The following MARCO variants were observed in gnomAD, a reference collection of about 807,000 sequenced individuals.
MARCO encodes macrophage receptor MARCO.
Under a neutral mutation model 70.0 loss-of-function variants are expected in MARCO, and 72 were observed. The observed-to-expected ratio is 1.03, with a 90% CI of 0.85 to 1.25. The LOEUF (loss-of-function observed/expected upper bound fraction) is 1.25. Among genes scored for constraint, MARCO ranks in the 50% most tolerant of loss-of-function variants. The probability of loss-of-function intolerance (pLI) is 0.00; values close to 1 mark genes in which losing one functional copy is unlikely to be tolerated. For missense variants in MARCO, 696 were observed against 659.3 expected, an observed-to-expected ratio of 1.06 and a Z score of -0.61; for synonymous variants, 273 against 243.1, an observed-to-expected ratio of 1.12 and a Z score of -1.14.
At position 118,974,563 on chromosome 2, in the gene MARCO, C is replaced by T. The variant is rs139091970; in HGVS notation, c.611C>T (p.Ala204Val). Residue 204 changes from alanine (A) to valine (V), a missense_variant and splice_region_variant, in exon 6 of 17, where the codon GCG becomes GTG. Physicochemically the swap from Ala to Val is moderately conservative, Grantham distance 64. This residue lies in a region of MARCO where 605 missense variants were observed against 537.6 expected (regional missense o/e 1.13). Transcript: ENST00000327097. ...GGCCCACCGGGAGTCAAGGGAGAGG[C>T]GGGTGAGTAGGTGCTGGGTATGTAC... ...PQGPPGVKGEAGLQGPQGAPG... is the reference protein window; with the variant it reads ...PQGPPGVKGEVGLQGPQGAPG... 1.4e-4 allele frequency: 223 copies of T among 1,612,896 alleles called. No homozygotes were observed. The highest frequency in any genetic ancestry group is 1.0e-4 in the Non-Finnish European group (122 of 1,179,640).
At chr2:118,955,094 A>T (rs944488420) in intron 1 of MARCO, among the ~76,000 whole-genome samples, 4 of 152,134 alleles carry the variant, frequency 2.6e-5, no homozygotes. Context: ...GATCCAAGCC[A>T]AGAAGAAATC....
intron 1 of MARCO, among the ~76,000 whole-genome samples, chr2:118,942,666 A>G (rs540069181): frequency 6.6e-6 from 1 of 152,290 alleles, no homozygotes; most frequent in South Asian, 2.1e-4. Context: ...AAAAATGCCA[A>G]TGCTTATTAA....
chr2:118,974,357 TG>T lies in MARCO; in HGVS notation c.488del (p.Gly163AlafsTer101). 6.2e-7 allele frequency: 1 copy of T among 1,605,058 alleles called. No individual in the cohort carries two copies. Among genetic ancestry groups the T allele is most frequent in the African/African-American group, 1.3e-5 (1 of 74,952 alleles). On this transcript the variant is annotated frameshift_variant, in exon 5 of 17. Transcript: ENST00000327097. LOFTEE classifies it high-confidence loss of function. ...APGLQGHKGAMGMPGAPGPPG... is the reference protein window; with the variant it reads ...APGLQGHKGAXGMPGAPGPPG... Reference sequence around the variant, plus strand: ...GGTCTTCAAGGTCACAAGGGGGCCATGGGCATGCCTGGTGCCCCTGGCCCGC... The same window carrying T: ...GGTCTTCAAGGTCACAAGGGGGCCATGGCATGCCTGGTGCCCCTGGCCCGC...
At chr2:118,980,620 G>A (rs1680371258) in intron 8 of MARCO, among the ~76,000 whole-genome samples, 2 of 152,186 alleles carry the variant, frequency 1.3e-5, no homozygotes. Context: ...ATGTTGTGTT[G>A]AGGTGAGATA....
At position 118,994,560 on chromosome 2, in the gene MARCO, C is replaced by T. The variant is rs758860331; in HGVS notation, c.*40C>T. On this transcript the variant is annotated 3_prime_UTR_variant, in exon 17 of 17. Coordinates refer to ENST00000327097, the MANE Select transcript of MARCO (RefSeq NM_006770.4). The stretch of plus-strand genomic sequence containing the variant: ...CACTTCTCTGCTCCCGAGGTGTCCT[C>T]GGGCTCATATGTGGGAAGGCAGAGG... 4.5e-5 allele frequency: 69 copies of T among 1,530,056 alleles called. No homozygotes were observed. Among genetic ancestry groups the T allele is most frequent in the Non-Finnish European group, 3.7e-5 (42 of 1,141,004 alleles). 94.8% of individuals were successfully genotyped at this position (1,530,056 alleles called of 1,614,324 possible).
chr2:118,970,103 G>T lies in MARCO; in HGVS notation c.200-11G>T. On this transcript the variant is annotated splice_polypyrimidine_tract_variant and intron_variant, in intron 2 of 16. Coordinates refer to ENST00000327097, the MANE Select transcript of MARCO (RefSeq NM_006770.4). ...TCAGTCCCTAAAAGAATGCTGTGGG[G>T]TGGGGCCCAGTTCTGAATCTGCAGG... 1 of 1,611,248 alleles carries T rather than the reference G, an allele frequency of 6.2e-7. No homozygotes were observed. Among genetic ancestry groups the T allele is most frequent in the East Asian group, 2.2e-5 (1 of 44,850 alleles).
intron 1 of MARCO, 123 bp from the exon 2 acceptor site, chr2:118,969,037 G>T (rs925957649): frequency 1.4e-5 from 10 of 700,760 alleles, no homozygotes; most frequent in Non-Finnish European, 2.3e-5. Context: ...TGAGCTTTTG[G>T]TGTCTTTCCC....
At chr2:118,985,299 A>C (rs987760401) in intron 12 of MARCO, among the ~76,000 whole-genome samples, 1 of 151,980 alleles carries the variant, frequency 6.6e-6, no homozygotes, top group African/African-American at 2.4e-5. Flanking sequence ...GGTTACCTTC[A>C]CCCTGTCCCC....
At chr2:118,967,198 AGG>A (rs755836760) in intron 1 of MARCO, among the ~76,000 whole-genome samples, 16 of 152,222 alleles carry the variant, frequency 1.1e-4, no homozygotes, top group Non-Finnish European at 2.2e-4. Flanking sequence ...CCCAGCCCAG[AGG>A]AACCAGAGAA....
chr2:118,967,561 C>T (rs562975765), intron 1 of MARCO, among the ~76,000 whole-genome samples: 3 of 152,146 alleles, frequency 2.0e-5, no homozygotes, highest in Non-Finnish European at 4.4e-5. Flanking sequence ...GCAGAGGAGA[C>T]GGGGCACTCC....
intron 12 of MARCO, among the ~76,000 whole-genome samples, chr2:118,985,518 C>T (rs1193554412): frequency 6.6e-6 from 1 of 152,150 alleles, no homozygotes; most frequent in Non-Finnish European, 1.5e-5. Flanking sequence ...ATAACCTCCA[C>T]AGTTTATTAA....
chr2:118,985,575 T>C (rs1289966808), intron 12 of MARCO, among the ~76,000 whole-genome samples: 1 of 152,186 alleles, frequency 6.6e-6, no homozygotes, highest in Non-Finnish European at 1.5e-5. Flanking sequence ...TCACTTTTTT[T>C]ACCTACTAGA....
chr2:118,956,696 A>G (rs1208691116), intron 1 of MARCO, among the ~76,000 whole-genome samples: 1 of 152,180 alleles, frequency 6.6e-6, no homozygotes, highest in Admixed American at 6.5e-5. Flanking sequence ...TACACATTCT[A>G]TTCAACAGTG....
intron 1 of MARCO, among the ~76,000 whole-genome samples, chr2:118,953,587 C>T (rs1404147760): frequency 6.6e-6 from 1 of 152,144 alleles, no homozygotes. Context: ...TAGATTTCTG[C>T]TCCAGACAGA....
At chr2:118,960,093 C>T (rs1369945693) in intron 1 of MARCO, among the ~76,000 whole-genome samples, 2 of 150,492 alleles carry the variant, frequency 1.3e-5, no homozygotes, top group Non-Finnish European at 3.0e-5. Context: ...ACCTATACCC[C>T]AATAACTTAT....
At chr2:118,994,307 T>A in intron 16 of MARCO, 80 bp from the exon 17 acceptor site, 1 of 1,529,154 alleles carries the variant, frequency 6.5e-7, no homozygotes, top group Non-Finnish European at 9.0e-7. Context: ...AGATGGAAGC[T>A]CCCAGGCGCA....
intron 1 of MARCO, among the ~76,000 whole-genome samples, chr2:118,945,695 G>T (rs562348927): frequency 5.3e-5 from 8 of 152,066 alleles, no homozygotes; most frequent in Non-Finnish European, 1.0e-4. Flanking sequence ...TTACAGGCAT[G>T]AGCCACCTAC....
At chr2:118,992,602 G>A in intron 15 of MARCO, 126 bp downstream of exon 15, 1 of 792,868 alleles carries the variant, frequency 1.3e-6, no homozygotes, top group Non-Finnish European at 2.1e-6. Flanking sequence ...GGAGTTGAGG[G>A]TCTAGTCCCT....
intron 1 of MARCO, chr2:118,950,067 G>T (rs548494946): frequency 6.6e-5 from 10 of 152,162 alleles, no homozygotes; most frequent in African/African-American, 1.4e-4. Flanking sequence ...CTTTAGCACC[G>T]ATTTTTATTA....
Sources: allele counts gnomAD v4.1 joint callset (sites outside exome capture counted in the v4.1 genomes callset), GRCh38; gene constraint gnomAD v4.1.1; regional missense constraint gnomAD v4.1.1; transcripts MANE v1.5; gene names NCBI Gene and HGNC (gene_info 2026-07-23, HGNC 2026-07-21).